The following ATG5 variants were observed in gnomAD, a reference collection of about 807,000 sequenced individuals.
The protein encoded by ATG5 is autophagy related 5.
In ATG5, 14 loss-of-function variants were observed where a neutral mutation model predicts 36.5. The ratio of observed to expected loss-of-function variants is 0.38; its 90% CI spans 0.25 to 0.60. The LOEUF is 0.60. Ranked by LOEUF, ATG5 falls within the 20% of genes least tolerant of loss-of-function variation. The pLI, the probability that ATG5 is intolerant of heterozygous loss-of-function variation, is 0.60. For synonymous variants in ATG5, 95 were observed against 101.5 expected (o/e 0.94, Z 0.38); for missense variants, 195 against 326.7 (o/e 0.60, Z 3.11).
intron 5 of ATG5, among the ~76,000 whole-genome samples, chr6:106,266,881 C>T (rs1361388744): frequency 6.6e-6 from 1 of 152,072 alleles, no homozygotes; most frequent in African/African-American, 2.4e-5. Flanking sequence ...TATGACAAAC[C>T]CATAGTCAAT....
chr6:106,239,994 G>T (rs2787527), intron 6 of ATG5, among the ~76,000 whole-genome samples: 13,006 of 151,862 alleles, frequency 0.086, 587 homozygotes, highest in South Asian at 0.13. Context: ...TGTGGGAAAG[G>T]ACCTTCTTTT....
At chr6:106,288,057 G>GC (rs949767134) in intron 4 of ATG5, among the ~76,000 whole-genome samples, 2 of 149,360 alleles carry the variant, frequency 1.3e-5, no homozygotes, top group Non-Finnish European at 3.0e-5. Context: ...TGCAACCTCC[G>GC]CCCCCCAGGT....
At chr6:106,258,598 T>C (rs1778893929) in intron 5 of ATG5, among the ~76,000 whole-genome samples, 1 of 152,112 alleles carries the variant, frequency 6.6e-6, no homozygotes, top group African/African-American at 2.4e-5. Context: ...GAGGAGAAAA[T>C]TGCAGCTCAA....
At chr6:106,237,490 C>CT (rs1248409330) in intron 6 of ATG5, among the ~76,000 whole-genome samples, 1 of 152,146 alleles carries the variant, frequency 6.6e-6, no homozygotes, top group Non-Finnish European at 1.5e-5. Flanking sequence ...GCTGGCTGTC[C>CT]TTTGTCTGGT....
chr6:106,188,857 T>C (rs1018837920), intron 7 of ATG5, among the ~76,000 whole-genome samples: 1 of 152,194 alleles, frequency 6.6e-6, no homozygotes, highest in Admixed American at 6.5e-5. Flanking sequence ...TTAAATATAT[T>C]ATTTTGTCAC....
At chr6:106,282,630 T>C (rs1582650011) in intron 4 of ATG5, among the ~76,000 whole-genome samples, 1 of 152,254 alleles carries the variant, frequency 6.6e-6, no homozygotes, top group East Asian at 1.9e-4. Flanking sequence ...TGACTTTAAC[T>C]GTAGGCTTTT....
rs142354288 is a variant in ATG5, at chr6:106,197,168, T to A, written c.691+4804A>T. On this transcript the variant is annotated intron_variant, in intron 7 of 7. Transcript: ENST00000369076. ...TCAAGGATGTTATAAAAAAGGAAGT[T>A]TAAAACAACATATTTTAAAAAGTAG... Among the ~76,000 whole-genome samples the A allele has an allele frequency of 4.3e-4, 66 of 152,218 alleles. No homozygotes were observed. The East Asian group carries it at 0.012, about 27-fold the overall frequency.
Position 106,295,096 on chromosome 6 carries a change from T to G in ATG5, c.237-1990A>C, listed in dbSNP as rs368226142. On this transcript the variant is annotated intron_variant, in intron 3 of 7. Transcript: ENST00000369076. The stretch of plus-strand genomic sequence containing the variant: ...CACACACATATACACACATATATAG[T>G]ACTATAGACAAGTTATAGATTTAAT... 1.5e-3 allele frequency among the ~76,000 whole-genome samples: 226 copies of G among 152,008 alleles called. 7 individuals are homozygous for G. The South Asian group carries it at 0.046, about 31-fold the overall frequency.
At chr6:106,212,771 A>G (rs1385865694) in intron 6 of ATG5, among the ~76,000 whole-genome samples, 1 of 152,262 alleles carries the variant, frequency 6.6e-6, no homozygotes, top group Non-Finnish European at 1.5e-5. Context: ...AAAATATTAC[A>G]TAATAAATAT....
intron 5 of ATG5, among the ~76,000 whole-genome samples, chr6:106,275,621 AAC>A (rs1361478933): frequency 6.6e-6 from 1 of 152,232 alleles, no homozygotes; most frequent in Non-Finnish European, 1.5e-5. Flanking sequence ...AAAACTTTAC[AAC>A]AGTCACATAA....
At chr6:106,265,292 AC>A (rs777045028) in intron 5 of ATG5, among the ~76,000 whole-genome samples, 58 of 152,218 alleles carry the variant, frequency 3.8e-4, no homozygotes, top group Non-Finnish European at 6.5e-4. Flanking sequence ...CAATGCAACA[AC>A]AAGAGCTAAC....
At chr6:106,234,221 T>C (rs2787521) in intron 6 of ATG5, among the ~76,000 whole-genome samples, 13,022 of 152,130 alleles carry the variant, frequency 0.086, 591 homozygotes, top group South Asian at 0.13. Flanking sequence ...ACTAGATCTC[T>C]TAAAACTACA....
intron 4 of ATG5, among the ~76,000 whole-genome samples, chr6:106,282,365 T>G (rs1481258896): frequency 6.6e-6 from 1 of 152,242 alleles, no homozygotes; most frequent in Non-Finnish European, 1.5e-5. Context: ...ACATTTTACC[T>G]GTGTAAAACT....
At chr6:106,192,137 A>T (rs909950660) in intron 7 of ATG5, among the ~76,000 whole-genome samples, 2 of 152,166 alleles carry the variant, frequency 1.3e-5, no homozygotes, top group African/African-American at 4.8e-5. Flanking sequence ...CAACACATAT[A>T]TTCAAGTGGA....
chr6:106,315,928 C>G (rs183686979), intron 2 of ATG5, among the ~76,000 whole-genome samples, 173 bp downstream of exon 2: 1 of 152,172 alleles, frequency 6.6e-6, no homozygotes, highest in Non-Finnish European at 1.5e-5. Flanking sequence ...TGAGTGGTAG[C>G]ATTAGAGGTG....
At chr6:106,238,926 AG>A (rs766782982) in intron 6 of ATG5, among the ~76,000 whole-genome samples, 4 of 152,106 alleles carry the variant, frequency 2.6e-5, no homozygotes, top group Non-Finnish European at 5.9e-5. Context: ...AAAAAAGTGG[AG>A]GGGGGGAACC....
intron 5 of ATG5, among the ~76,000 whole-genome samples, chr6:106,262,425 A>T (rs1309059465): frequency 6.6e-6 from 1 of 152,172 alleles, no homozygotes. Flanking sequence ...ACACTTTGGG[A>T]AACACTGATC....
chr6:106,231,397 G>A lies in ATG5; in HGVS notation c.573+16753C>T, dbSNP rs1210483454. 1.3e-4 allele frequency among the ~76,000 whole-genome samples: 20 copies of A among 152,202 alleles called. 1 individual carries two copies. ...TCAGGTCAATGATAGGTCGACAACA[G>A]AGGAAAGAGAACGATTCCCCACAGG... is the stretch of plus-strand genomic sequence containing the variant. On this transcript the variant is annotated intron_variant, in intron 6 of 7. Coordinates refer to ENST00000369076, the MANE Select transcript of ATG5 (RefSeq NM_004849.4).
At chr6:106,189,107 ACT>A (rs1214926115) in intron 7 of ATG5, among the ~76,000 whole-genome samples, 1 of 152,196 alleles carries the variant, frequency 6.6e-6, no homozygotes, top group Non-Finnish European at 1.5e-5. Flanking sequence ...GTAGAATTAT[ACT>A]GTCAAAATTA....
Sources: gnomAD v4.1 joint callset for allele counts (sites outside exome capture counted in the v4.1 genomes callset) on GRCh38, gnomAD v4.1.1 for gene constraint, MANE v1.5 for transcripts, NCBI Gene and HGNC (gene_info 2026-07-23, HGNC 2026-07-21) for gene names.